Variants in LPP observed in about 807,000 individuals in gnomAD.
LPP encodes lipoma-preferred partner.
Under a neutral mutation model 60.4 loss-of-function variants are expected in LPP, and 38 were observed. That is an observed-to-expected ratio of 0.63 (90% CI 0.49 to 0.83). The LOEUF (loss-of-function observed/expected upper bound fraction) is 0.83. Among genes scored for constraint, LPP ranks in the 40% least tolerant of loss-of-function variants. The probability of loss-of-function intolerance (pLI) is 0.00; values close to 1 mark genes in which losing one functional copy is unlikely to be tolerated. For synonymous variants in LPP, 328 were observed against 290.8 expected, an observed-to-expected ratio of 1.13 and a Z score of -1.30; for missense variants, 902 against 783.6, an observed-to-expected ratio of 1.15 and a Z score of -1.80.
chr3:188,679,759 C>A (rs927251831), intron 7 of LPP, among the ~76,000 whole-genome samples: 1 of 152,108 alleles, frequency 6.6e-6, no homozygotes, highest in African/African-American at 2.4e-5. Context: ...TATTAAAATG[C>A]ATGGCATATT....
chr3:188,818,634 G>A (rs895851225), intron 9 of LPP, among the ~76,000 whole-genome samples: 13 of 152,164 alleles, frequency 8.5e-5, no homozygotes, highest in African/African-American at 3.1e-4. Context: ...CAGCTTGGTA[G>A]GATGGAAAGA....
At chr3:188,457,801 T>A (rs1798090683) in intron 4 of LPP, among the ~76,000 whole-genome samples, 1 of 151,168 alleles carries the variant, frequency 6.6e-6, no homozygotes, top group South Asian at 2.1e-4. Context: ...CCCAGCTACC[T>A]GGGAGGCTGA....
At chr3:188,313,292 G>A (rs1041140388) in intron 2 of LPP, among the ~76,000 whole-genome samples, 1 of 147,914 alleles carries the variant, frequency 6.8e-6, no homozygotes, top group African/African-American at 2.6e-5. Context: ...CTCTTTTTCA[G>A]AAAATTTCTG....
At chr3:188,288,523 T>C (rs1352371436) in intron 2 of LPP, among the ~76,000 whole-genome samples, 2 of 147,272 alleles carry the variant, frequency 1.4e-5, no homozygotes, top group Admixed American at 6.8e-5. Flanking sequence ...ATTGCTCCCC[T>C]TCACGTCGTT....
chr3:188,821,358 C>T lies in LPP; in HGVS notation c.1411-44842C>T, dbSNP rs549404335. ...AAATCAGAATATCTGGGTTTGGTCA[C>T]GGACATCAGTATTTTTTTTTTAAAG... On this transcript the variant is annotated intron_variant, in intron 9 of 11. Coordinates refer to ENST00000617246, the MANE Select transcript of LPP (RefSeq NM_001375462.1). 2.5e-3 allele frequency among the ~76,000 whole-genome samples: 365 copies of T among 148,356 alleles called. 1 individual carries two copies. The highest frequency in any genetic ancestry group is 8.7e-3 in the African/African-American group (349 of 40,140).
At chr3:188,273,041 A>G (rs1299390208) in intron 2 of LPP, among the ~76,000 whole-genome samples, 5 of 152,246 alleles carry the variant, frequency 3.3e-5, no homozygotes, top group African/African-American at 1.2e-4. Context: ...AAGAGATGGC[A>G]TAACAGAGAC....
chr3:188,188,215 T>C (rs1727152720), intron 1 of LPP, among the ~76,000 whole-genome samples: 1 of 152,244 alleles, frequency 6.6e-6, no homozygotes, highest in African/African-American at 2.4e-5. Context: ...TAGGTTTTAG[T>C]GGGGATCACT....
intron 9 of LPP, among the ~76,000 whole-genome samples, chr3:188,816,998 C>G (rs974282891): frequency 6.6e-6 from 1 of 152,080 alleles, no homozygotes; most frequent in African/African-American, 2.4e-5. Context: ...CATAAAGTAC[C>G]CAAGAGTTTC....
Position 188,202,589 on chromosome 3 carries a change from A to G in LPP, c.-189-22816A>G, listed in dbSNP as rs141698035. Among the ~76,000 whole-genome samples the G allele has an allele frequency of 6.0e-3, 911 of 152,318 alleles. 2 individuals are homozygous for G. Among genetic ancestry groups the G allele is most frequent in the Non-Finnish European group, 0.01 (701 of 68,024 alleles). The stretch of plus-strand genomic sequence containing the variant: ...CTGACAAGGTTCACGCGCTATGACC[A>G]TGACTGCAGTTGATCCTGGGGAGTG... On this transcript the variant is annotated intron_variant, in intron 1 of 11. Transcript: ENST00000617246.
chr3:188,881,501 G>T lies in LPP; in HGVS notation c.*7022G>T. ...AGGCTAGGTTGAAAGGCTTTCTTTAGGGTTGAAAGTAAACGAAATTGGAAT... is the reference window on the plus strand; with the variant it reads ...AGGCTAGGTTGAAAGGCTTTCTTTATGGTTGAAAGTAAACGAAATTGGAAT... On this transcript the variant is annotated 3_prime_UTR_variant, in exon 12 of 12. Coordinates refer to ENST00000617246, the MANE Select transcript of LPP (RefSeq NM_001375462.1). The T allele has an allele frequency of 4.7e-6, 1 of 212,896 alleles. No individual in the cohort carries two copies. The highest frequency in any genetic ancestry group is 9.5e-6 in the Non-Finnish European group (1 of 105,026). 13.2% of individuals were successfully genotyped at this position (212,896 alleles called of 1,614,324 possible). A position where few individuals can be genotyped will look rare whatever the true frequency, so the allele number is the denominator to read the frequency against.
At chr3:188,804,640 T>C (rs1038290660) in intron 9 of LPP, among the ~76,000 whole-genome samples, 1 of 152,014 alleles carries the variant, frequency 6.6e-6, no homozygotes, top group Non-Finnish European at 1.5e-5. Context: ...AAATTACATT[T>C]TCTGTGAGTA....
At chr3:188,208,481 T>C (rs1215716754) in intron 1 of LPP, among the ~76,000 whole-genome samples, 1 of 152,216 alleles carries the variant, frequency 6.6e-6, no homozygotes, top group Non-Finnish European at 1.5e-5. Flanking sequence ...CCTTGATTAA[T>C]TCATGCTTGG....
chr3:188,334,422 C>CTTTTT lies in LPP; in HGVS notation c.-66-7225_-66-7221dup, dbSNP rs71167095. 8.7e-3 allele frequency among the ~76,000 whole-genome samples: 854 copies of CTTTTT among 98,472 alleles called. 2 individuals carry two copies. The highest frequency in any genetic ancestry group is 0.016 in the East Asian group (48 of 2,968). The allele number at this position is 98,472 out of a possible 152,430, so 64.6% of individuals were successfully genotyped here. Reference sequence around the variant, plus strand: ...TTGCTGGATCTTACGATATTTCTTTCTTTTTTTTTTTTTTTTTTTTGAGAC... The same window carrying CTTTTT: ...TTGCTGGATCTTACGATATTTCTTTCTTTTTTTTTTTTTTTTTTTTTTTTTGAGAC... On this transcript the variant is annotated intron_variant, in intron 2 of 11. Coordinates refer to ENST00000617246, the MANE Select transcript of LPP (RefSeq NM_001375462.1).
At chr3:188,377,325 C>T (rs540097488) in intron 3 of LPP, among the ~76,000 whole-genome samples, 9 of 152,312 alleles carry the variant, frequency 5.9e-5, no homozygotes, top group South Asian at 4.1e-4. Flanking sequence ...TCATTCTCCC[C>T]GTCACTTTCA....
At chr3:188,188,518 A>T (rs754842636) in intron 1 of LPP, among the ~76,000 whole-genome samples, 1 of 151,836 alleles carries the variant, frequency 6.6e-6, no homozygotes, top group Non-Finnish European at 1.5e-5. Context: ...CAGCATGATC[A>T]TCTCCAACTG....
chr3:188,300,565 G>A (rs1394707127), intron 2 of LPP, among the ~76,000 whole-genome samples: 1 of 150,770 alleles, frequency 6.6e-6, no homozygotes, highest in Non-Finnish European at 1.5e-5. Flanking sequence ...TAAGATCTCA[G>A]TTAAGGTAAA....
At chr3:188,622,228 G>T (rs1845936413) in intron 7 of LPP, among the ~76,000 whole-genome samples, 1 of 152,014 alleles carries the variant, frequency 6.6e-6, no homozygotes, top group Non-Finnish European at 1.5e-5. Flanking sequence ...CTGGACTCTT[G>T]TCATCAGCTT....
At chr3:188,573,987 C>T (rs1199898574) in intron 6 of LPP, among the ~76,000 whole-genome samples, 2 of 152,166 alleles carry the variant, frequency 1.3e-5, no homozygotes, top group Non-Finnish European at 2.9e-5. Context: ...TATTACCTTT[C>T]TCCGTAGCTC....
chr3:188,265,891 G>GTT (rs1306012692), intron 2 of LPP, among the ~76,000 whole-genome samples: 1 of 151,568 alleles, frequency 6.6e-6, no homozygotes, highest in Non-Finnish European at 1.5e-5. Flanking sequence ...GTGTGTGTGT[G>GTT]TGTGTGTGTG....
Sources: allele counts gnomAD v4.1 joint callset (sites outside exome capture counted in the v4.1 genomes callset), GRCh38; gene constraint gnomAD v4.1.1; transcripts MANE v1.5; gene names NCBI Gene and HGNC (gene_info 2026-07-23, HGNC 2026-07-21).